Variants in PTPRD observed in about 807,000 individuals in gnomAD.
PTPRD encodes the protein protein tyrosine phosphatase receptor type D.
In PTPRD, 34 loss-of-function variants were observed where a neutral mutation model predicts 214.5. The observed-to-expected ratio is 0.16, with a 90% CI of 0.12 to 0.21. The LOEUF is 0.21. Among genes scored for constraint, PTPRD ranks in the 10% least tolerant of loss-of-function variants. The probability of loss-of-function intolerance (pLI) is 1.00; values close to 1 mark genes in which losing one functional copy is unlikely to be tolerated. For missense variants in PTPRD, 2,545 were observed against 2,398.7 expected (o/e 1.06, Z -1.27); for synonymous variants, 1,128 against 845.7 (o/e 1.33, Z -5.79).
chr9:10,543,287 AATATT>A (rs1206293512), intron 2 of PTPRD, among the ~76,000 whole-genome samples: 3 of 152,126 alleles, frequency 2.0e-5, no homozygotes, highest in African/African-American at 7.2e-5. Flanking sequence ...CAATTTATGA[AATATT>A]ATATAATTTA....
intron 39 of PTPRD, among the ~76,000 whole-genome samples, chr9:8,353,797 G>C (rs1481657200): frequency 1.6e-5 from 2 of 124,750 alleles, no homozygotes; most frequent in Non-Finnish European, 3.2e-5. Context: ...ATACAAATTT[G>C]AGACTCCTTC....
At chr9:10,332,777 G>C (rs1234693780) in intron 3 of PTPRD, among the ~76,000 whole-genome samples, 2 of 151,710 alleles carry the variant, frequency 1.3e-5, no homozygotes, top group Non-Finnish European at 2.9e-5. Context: ...CGGTGAAAGA[G>C]TCTGTCTTTT....
intron 7 of PTPRD, among the ~76,000 whole-genome samples, chr9:9,658,822 G>T (rs185179245): frequency 1.3e-5 from 2 of 152,034 alleles, no homozygotes; most frequent in Admixed American, 1.3e-4. Context: ...TTATTTAATT[G>T]TCACAACAAT....
intron 35 of PTPRD, among the ~76,000 whole-genome samples, chr9:8,428,301 G>C (rs933832985): frequency 6.6e-6 from 1 of 152,124 alleles, no homozygotes; most frequent in Non-Finnish European, 1.5e-5. Context: ...TCCAATCCCA[G>C]TGTATTAGGA....
At chr9:9,611,021 A>C (rs2094484573) in intron 7 of PTPRD, among the ~76,000 whole-genome samples, 1 of 152,198 alleles carries the variant, frequency 6.6e-6, no homozygotes, top group African/African-American at 2.4e-5. Context: ...TTAGTCTTCT[A>C]TTGTACCCTT....
chr9:9,537,708 T>C (rs1369072837), intron 8 of PTPRD, among the ~76,000 whole-genome samples: 1 of 151,900 alleles, frequency 6.6e-6, no homozygotes, highest in East Asian at 1.9e-4. Context: ...CTAAGACAGA[T>C]GTTTCTCACA....
intron 2 of PTPRD, among the ~76,000 whole-genome samples, chr9:10,405,227 G>C (rs1374863903): frequency 6.6e-6 from 1 of 151,680 alleles, no homozygotes; most frequent in Non-Finnish European, 1.5e-5. Context: ...TATCTTAATA[G>C]AGAGAATTTT....
At chr9:9,554,321 G>C (rs919584931) in intron 8 of PTPRD, among the ~76,000 whole-genome samples, 2 of 152,012 alleles carry the variant, frequency 1.3e-5, no homozygotes, top group Non-Finnish European at 2.9e-5. Context: ...CTAATGGATA[G>C]AGACTAATAT....
At chr9:8,336,220 C>G (rs1232159652) in intron 43 of PTPRD, among the ~76,000 whole-genome samples, 4 of 149,020 alleles carry the variant, frequency 2.7e-5, no homozygotes, top group African/African-American at 1.0e-4. Flanking sequence ...GCTACAGTAA[C>G]CAAAACAGCA....
intron 7 of PTPRD, among the ~76,000 whole-genome samples, chr9:9,705,596 T>C (rs900481919): frequency 6.6e-6 from 1 of 152,108 alleles, no homozygotes; most frequent in African/African-American, 2.4e-5. Context: ...AAGATAGTAA[T>C]AGTGTATGAG....
chr9:10,292,495 CTG>C (rs2095555303), intron 3 of PTPRD, among the ~76,000 whole-genome samples: 1 of 151,946 alleles, frequency 6.6e-6, no homozygotes, highest in Non-Finnish European at 1.5e-5. Flanking sequence ...ATCATATGAT[CTG>C]TACAGCCTAG....
chr9:10,061,875 A>T (rs2154169764), intron 3 of PTPRD, among the ~76,000 whole-genome samples: 1 of 152,124 alleles, frequency 6.6e-6, no homozygotes, highest in South Asian at 2.1e-4. Flanking sequence ...CTGGACCTGC[A>T]GCTTTATTAT....
chr9:9,813,661 C>T (rs973416811), intron 5 of PTPRD, among the ~76,000 whole-genome samples: 3 of 152,042 alleles, frequency 2.0e-5, no homozygotes, highest in South Asian at 2.1e-4. Context: ...TGGGGCAAAA[C>T]GTCCTCACGA....
intron 3 of PTPRD, among the ~76,000 whole-genome samples, chr9:10,110,411 G>A (rs1283910208): frequency 6.6e-6 from 1 of 152,134 alleles, no homozygotes; most frequent in Non-Finnish European, 1.5e-5. Context: ...TTTTACATTT[G>A]GTTTTCTGTC....
At position 9,204,449 on chromosome 9, in the gene PTPRD, G is replaced by A. The variant is rs966940670; in HGVS notation, c.-202-21086C>T. On this transcript the variant is annotated intron_variant, in intron 9 of 45. Transcript: ENST00000381196. ...CAGCTAGTTTAATCCACTCATGTTTGGATAAAGCCTAGCTCAGACACTTTA... is the reference window on the plus strand; with the variant it reads ...CAGCTAGTTTAATCCACTCATGTTTAGATAAAGCCTAGCTCAGACACTTTA... Among the ~76,000 whole-genome samples, 3 of 152,184 alleles carry A rather than the reference G, an allele frequency of 2.0e-5. No individual in the cohort carries two copies. In the South Asian group the frequency reaches 6.2e-4, roughly 32 times the overall value.
intron 5 of PTPRD, among the ~76,000 whole-genome samples, chr9:9,813,079 C>G (rs1262144473): frequency 1.3e-5 from 2 of 151,732 alleles, no homozygotes; most frequent in East Asian, 1.9e-4. Flanking sequence ...AAGAAGAAAT[C>G]AAAAAGTATA....
chr9:10,049,320 C>A (rs564747891), intron 3 of PTPRD, among the ~76,000 whole-genome samples: 29 of 150,320 alleles, frequency 1.9e-4, no homozygotes, highest in Admixed American at 1.7e-3. Flanking sequence ...ACTGGCCCTG[C>A]ATCTTCAATA....
chr9:10,186,959 T>C (rs899694303), intron 3 of PTPRD, among the ~76,000 whole-genome samples: 1 of 152,136 alleles, frequency 6.6e-6, no homozygotes, highest in Non-Finnish European at 1.5e-5. Flanking sequence ...GTCCTATTAC[T>C]CACTCATCAT....
chr9:8,726,135 G>T (rs554950719), intron 12 of PTPRD, among the ~76,000 whole-genome samples: 2 of 151,932 alleles, frequency 1.3e-5, no homozygotes, highest in African/African-American at 4.8e-5. Flanking sequence ...TTAGGTTAAA[G>T]AATTGGTTCT....
Sources: allele counts gnomAD v4.1 joint callset (sites outside exome capture counted in the v4.1 genomes callset), GRCh38; gene constraint gnomAD v4.1.1; transcripts MANE v1.5; gene names NCBI Gene and HGNC (gene_info 2026-07-23, HGNC 2026-07-21).